NYAP2: variants seen among roughly 807,000 people sequenced by gnomAD.
The protein encoded by NYAP2 is neuronal tyrosine-phosphorylated phosphoinositide-3-kinase adaptor 2, also known as neuronal tyrosine-phosphorylated phosphoinositide-3-kinase adapter 2.
A neutral mutation model predicts 50.4 loss-of-function variants in NYAP2; 23 were observed. The observed-to-expected ratio is 0.46, with a 90% CI of 0.33 to 0.65. The LOEUF is 0.65. Among genes scored for constraint, NYAP2 ranks in the 30% least tolerant of loss-of-function variants. The pLI, the probability that NYAP2 is intolerant of heterozygous loss-of-function variation, is 0.02. For synonymous variants in NYAP2, 394 were observed against 365.2 expected (o/e 1.08, Z -0.90); for missense variants, 885 against 861.0 (o/e 1.03, Z -0.35).
chr2:225,587,042 GA>G (rs780071338), intron 5 of NYAP2, among the ~76,000 whole-genome samples: 11 of 152,144 alleles, frequency 7.2e-5, no homozygotes, highest in Non-Finnish European at 1.6e-4. Flanking sequence ...GAGCAGGGAA[GA>G]TTGTCTTATA....
chr2:225,457,125 T>TATC (rs1689751818), intron 3 of NYAP2, among the ~76,000 whole-genome samples: 1 of 152,264 alleles, frequency 6.6e-6, no homozygotes, highest in African/African-American at 2.4e-5. Flanking sequence ...GCCCATATCA[T>TATC]GTGCCAGGCA....
At chr2:225,591,915 TC>T (rs995363743) in intron 5 of NYAP2, among the ~76,000 whole-genome samples, 57 of 152,126 alleles carry the variant, frequency 3.7e-4, no homozygotes, top group African/African-American at 1.4e-3. Flanking sequence ...GGGTGGGAAA[TC>T]TTTTGGGCAC....
At chr2:225,573,192 C>T (rs1301600254) in intron 4 of NYAP2, among the ~76,000 whole-genome samples, 12 of 150,506 alleles carry the variant, frequency 8.0e-5, no homozygotes, top group African/African-American at 2.4e-4. Flanking sequence ...TTATCTATTG[C>T]TGTGTAATAA....
chr2:225,608,111 C>G (rs933757960), intron 5 of NYAP2, among the ~76,000 whole-genome samples: 3 of 151,874 alleles, frequency 2.0e-5, no homozygotes, highest in Non-Finnish European at 2.9e-5. Flanking sequence ...TTTTGGAATC[C>G]CAATAAAATG....
chr2:225,703,027 T>A, the NYAP2 span: 1 of 151,612 alleles, frequency 6.6e-6, no homozygotes, highest in East Asian at 1.9e-4. Context: ...AAGTTAACAT[T>A]TATAGTGTAG....
At chr2:225,669,538 A>G in the NYAP2 span, among the ~76,000 whole-genome samples, 1 of 152,174 alleles carries the variant, frequency 6.6e-6, no homozygotes, top group Non-Finnish European at 1.5e-5. Context: ...ATTACAATTT[A>G]AAAAATCATT....
chr2:225,439,478 A>C (rs1157061605), intron 3 of NYAP2, among the ~76,000 whole-genome samples: 1 of 152,244 alleles, frequency 6.6e-6, no homozygotes, highest in Admixed American at 6.5e-5. Flanking sequence ...GTTGTGGGTC[A>C]CTACAGATTT....
intron 3 of NYAP2, among the ~76,000 whole-genome samples, chr2:225,420,048 A>G (rs1005272822): frequency 6.6e-6 from 1 of 152,252 alleles, no homozygotes; most frequent in African/African-American, 2.4e-5. Flanking sequence ...TTTAGTCTTA[A>G]TTATTAAACT....
At position 225,582,244 on chromosome 2, in the gene NYAP2, T is replaced by C. The variant is rs1692290113; in HGVS notation, c.827T>C (p.Phe276Ser). The change falls in exon 5 of 7, where the codon TTT (phenylalanine) becomes TCT (serine). Residue 276 changes from phenylalanine (F) to serine (S), a missense_variant. Physicochemically the swap from Phe to Ser is radical, Grantham distance 155. Transcript: ENST00000636099. The surrounding 1 kb of genome is among the most constrained non-coding windows in gnomAD (Gnocchi z 7.0). Reference sequence around the variant, plus strand: ...TACGAGGAAATGAAGTACCCTATCTTTGACGACTTGGGCCAAGACGCCAAA... The same window carrying C: ...TACGAGGAAATGAAGTACCCTATCTCTGACGACTTGGGCCAAGACGCCAAA... The C allele has an allele frequency of 6.2e-7, 1 of 1,613,894 alleles. No individual in the cohort carries two copies.
intron 6 of NYAP2, among the ~76,000 whole-genome samples, chr2:225,629,059 A>C (rs1444177198): frequency 6.6e-6 from 1 of 152,234 alleles, no homozygotes; most frequent in Non-Finnish European, 1.5e-5. Context: ...TCATGCAGGC[A>C]GAAAACTCTC....
chr2:225,694,202 G>A, the NYAP2 span, among the ~76,000 whole-genome samples: 1 of 151,952 alleles, frequency 6.6e-6, no homozygotes, highest in Non-Finnish European at 1.5e-5. Flanking sequence ...AACTAAACTA[G>A]AAGAGTTTAT....
chr2:225,519,387 G>A (rs1372487170), intron 4 of NYAP2, among the ~76,000 whole-genome samples: 1 of 150,616 alleles, frequency 6.6e-6, no homozygotes, highest in Non-Finnish European at 1.5e-5. Flanking sequence ...TCATCATTTA[G>A]CATTAGGTAT....
At chr2:225,669,202 A>C in the NYAP2 span, among the ~76,000 whole-genome samples, 1 of 152,134 alleles carries the variant, frequency 6.6e-6, no homozygotes, top group Non-Finnish European at 1.5e-5. Context: ...GAACATACAG[A>C]GCAGATGTTA....
At chr2:225,563,236 G>T (rs779692634) in intron 4 of NYAP2, among the ~76,000 whole-genome samples, 1 of 152,054 alleles carries the variant, frequency 6.6e-6, no homozygotes, top group South Asian at 2.1e-4. Flanking sequence ...AAACAGGGGA[G>T]GGTTCCAAAG....
At chr2:225,593,315 A>G (rs1393157106) in intron 5 of NYAP2, among the ~76,000 whole-genome samples, 1 of 152,198 alleles carries the variant, frequency 6.6e-6, no homozygotes, top group African/African-American at 2.4e-5. Context: ...TGAAAATATT[A>G]GATGCTAAAA....
At chr2:225,531,119 A>T (rs1365700624) in intron 4 of NYAP2, among the ~76,000 whole-genome samples, 1 of 152,206 alleles carries the variant, frequency 6.6e-6, no homozygotes, top group Non-Finnish European at 1.5e-5. Context: ...TATCCTGCTT[A>T]TCATTTATCT....
chr2:225,668,338 T>C, the NYAP2 span, among the ~76,000 whole-genome samples: 1 of 152,180 alleles, frequency 6.6e-6, no homozygotes, highest in African/African-American at 2.4e-5. Context: ...TCAGTTGGTT[T>C]CATCACTGGG....
the NYAP2 span, among the ~76,000 whole-genome samples, chr2:225,686,677 T>C: frequency 1.3e-5 from 2 of 152,124 alleles, no homozygotes; most frequent in Non-Finnish European, 2.9e-5. Flanking sequence ...TAGTGGGCAA[T>C]GTATTTTCAG....
intron 5 of NYAP2, among the ~76,000 whole-genome samples, chr2:225,586,946 G>T (rs1692398702): frequency 6.6e-6 from 1 of 152,192 alleles, no homozygotes; most frequent in African/African-American, 2.4e-5. Flanking sequence ...GGCTGGGGAG[G>T]CCTCAGAAAA....
Sources: gnomAD v4.1 joint callset for allele counts (sites outside exome capture counted in the v4.1 genomes callset) on GRCh38, gnomAD v4.1.1 for gene constraint, Gnocchi (gnomAD v3.1) non-coding constraint, MANE v1.5 for transcripts, NCBI Gene and HGNC (gene_info 2026-07-23, HGNC 2026-07-21) for gene names.